The following CACNA1C variants were observed in gnomAD, a reference collection of about 807,000 sequenced individuals.
CACNA1C encodes the protein calcium voltage-gated channel subunit alpha1 C.
In CACNA1C, 30 loss-of-function variants were observed where a neutral mutation model predicts 229.0. The observed-to-expected ratio is 0.13, with a 90% CI of 0.10 to 0.18. CACNA1C has a LOEUF of 0.18. Among genes scored for constraint, CACNA1C ranks in the 10% least tolerant of loss-of-function variants. CACNA1C has a pLI of 1.00. For missense variants in CACNA1C, 1,658 were observed against 2,845.0 expected (o/e 0.58, Z 9.49); for synonymous variants, 1,114 against 1,132.5 (o/e 0.98, Z 0.33).
chr12:2,168,220 C>T, intron 3 of CACNA1C, among the ~76,000 whole-genome samples: 1 of 152,170 alleles, frequency 6.6e-6, no homozygotes, highest in Non-Finnish European at 1.5e-5. Context: ...GAGCTTTAAT[C>T]TTAAGAGTAA....
chr12:2,461,858 G>A (rs1461734423), intron 5 of CACNA1C, among the ~76,000 whole-genome samples: 2 of 152,164 alleles, frequency 1.3e-5, no homozygotes, highest in Non-Finnish European at 2.9e-5. Flanking sequence ...CCTCCGTCCT[G>A]GATGATGGCG....
chr12:2,550,507 A>G lies in CACNA1C; in HGVS notation c.1481+474A>G, dbSNP rs759761944. On this transcript the variant is annotated intron_variant, in intron 10 of 46. Transcript: ENST00000399655. ...GAAGATGTTCTGGGAGATGACTGGC[A>G]TGTGGGTCCTTACCTGAAGCTCTCT... 5 of 1,337,012 alleles carry G rather than the reference A, an allele frequency of 3.7e-6. 1 individual carries two copies. Among genetic ancestry groups the G allele is most frequent in the Middle Eastern group, 2.1e-4 (1 of 4,732 alleles). 82.8% of individuals were successfully genotyped at this position (1,337,012 alleles called of 1,614,324 possible).
chr12:2,391,326 G>A (rs1167898947), intron 3 of CACNA1C, among the ~76,000 whole-genome samples: 2 of 152,196 alleles, frequency 1.3e-5, no homozygotes, highest in Non-Finnish European at 2.9e-5. Context: ...TGACTCCTCG[G>A]TGCACTGATA....
intron 3 of CACNA1C, among the ~76,000 whole-genome samples, chr12:2,186,242 C>T (rs1412275630): frequency 3.3e-5 from 5 of 152,288 alleles, no homozygotes; most frequent in African/African-American, 7.2e-5. Context: ...GGTTCCCTCC[C>T]GGCATTTAGT....
intron 13 of CACNA1C, among the ~76,000 whole-genome samples, chr12:2,573,857 C>T (rs558992727): frequency 4.6e-5 from 7 of 152,254 alleles, no homozygotes; most frequent in South Asian, 2.1e-4. Context: ...GGGTGAGATC[C>T]GGGTGGACTT....
chr12:2,442,921 C>A (rs2283309), intron 3 of CACNA1C, among the ~76,000 whole-genome samples: 46,304 of 152,080 alleles, frequency 0.3, 8,173 homozygotes, highest in East Asian at 0.72. Flanking sequence ...ATCACCCAAA[C>A]ACCTCCAACC....
chr12:1,994,786 C>T (rs1257672108), intron 1 of CACNA1C, among the ~76,000 whole-genome samples: 1 of 152,192 alleles, frequency 6.6e-6, no homozygotes. Context: ...AGTACAGCTA[C>T]TATAGCATCT....
At chr12:2,570,754 G>A (rs560018443) in intron 13 of CACNA1C, among the ~76,000 whole-genome samples, 45 of 152,176 alleles carry the variant, frequency 3.0e-4, no homozygotes, top group Non-Finnish European at 5.7e-4. Context: ...GCAAAGTGTG[G>A]TGGGCGTGGG....
chr12:2,639,893 C>A lies in CACNA1C; in HGVS notation c.3912+5513C>A, dbSNP rs2093443164. ...CCAGAGAAAAGGAGCAGGAGAAAGACCTTCGGGGAGCAGAGCAGGCACAGG... is the reference window on the plus strand; with the variant it reads ...CCAGAGAAAAGGAGCAGGAGAAAGAACTTCGGGGAGCAGAGCAGGCACAGG... On this transcript the variant is annotated intron_variant, in intron 30 of 46. Transcript: ENST00000399655. The surrounding 1 kb of genome is among the most constrained non-coding windows in gnomAD (Gnocchi z 4.2). 6.6e-6 allele frequency among the ~76,000 whole-genome samples: 1 copy of A among 152,130 alleles called. No individual in the cohort carries two copies. The highest frequency in any genetic ancestry group is 2.4e-5 in the African/African-American group (1 of 41,424).
intron 7 of CACNA1C, among the ~76,000 whole-genome samples, chr12:2,499,834 T>G (rs766299428): frequency 5.3e-5 from 8 of 152,160 alleles, no homozygotes; most frequent in Non-Finnish European, 1.0e-4. Flanking sequence ...CTTTATTCTT[T>G]GTCTTCTTAA....
At chr12:1,995,174 T>C (rs1432778858) in intron 1 of CACNA1C, among the ~76,000 whole-genome samples, 1 of 152,204 alleles carries the variant, frequency 6.6e-6, no homozygotes, top group Admixed American at 6.5e-5. Context: ...GGTCTGGATG[T>C]ACAAAAGAAA....
rs191579765 is a variant in CACNA1C at position 2,590,526 on chromosome 12, G to A, written c.2531-2687G>A. On this transcript the variant is annotated intron_variant, in intron 18 of 46. Coordinates refer to ENST00000399655, the MANE Select transcript of CACNA1C (RefSeq NM_000719.7). The stretch of plus-strand genomic sequence containing the variant: ...ATCCATAATACCTGCTAAGCATCAC[G>A]TGCTGTCAAAGTTGTGTTCCTTTAC... Among the ~76,000 whole-genome samples the A allele has an allele frequency of 4.9e-4, 75 of 152,224 alleles. 2 individuals carry two copies. Among genetic ancestry groups the A allele is most frequent in the African/African-American group, 1.5e-3 (61 of 41,528 alleles).
intron 1 of CACNA1C, among the ~76,000 whole-genome samples, chr12:2,042,155 CA>C (rs773656209): frequency 2.9e-4 from 44 of 152,222 alleles, no homozygotes; most frequent in Non-Finnish European, 5.4e-4. Flanking sequence ...TTTTAACAGT[CA>C]AAGATTTTTC....
intron 3 of CACNA1C, among the ~76,000 whole-genome samples, chr12:2,123,626 T>C (rs2088207429): frequency 6.6e-6 from 1 of 152,102 alleles, no homozygotes; most frequent in Non-Finnish European, 1.5e-5. Flanking sequence ...ATAGCCCAGG[T>C]GAATGCTGCT....
intron 3 of CACNA1C, among the ~76,000 whole-genome samples, chr12:2,121,539 T>C (rs571655033): frequency 3.5e-4 from 53 of 152,358 alleles, no homozygotes; most frequent in Non-Finnish European, 5.7e-4. Flanking sequence ...CTGTGGTGTC[T>C]TGTGGCTCGG....
In CACNA1C at chr12:2,681,966, A is replaced by G. The variant is rs10774053; in HGVS notation, c.5445-584A>G. On this transcript the variant is annotated intron_variant, in intron 42 of 46. Coordinates refer to ENST00000399655, the MANE Select transcript of CACNA1C (RefSeq NM_000719.7). The stretch of plus-strand genomic sequence containing the variant: ...TCCCAGCAGGGAAAGGCACGTTCCG[A>G]TGTGTGAGGATCTGGAGCTCAGGAG... The G allele has an allele frequency of 0.82, 1,310,462 of 1,598,268 alleles. 539,546 individuals carry two copies. Among genetic ancestry groups the G allele is most frequent in the South Asian group, 0.86 (77,556 of 90,698 alleles).
At chr12:2,159,421 G>A (rs2095719275) in intron 3 of CACNA1C, among the ~76,000 whole-genome samples, 1 of 152,072 alleles carries the variant, frequency 6.6e-6, no homozygotes, top group Non-Finnish European at 1.5e-5. Flanking sequence ...CTTGAGTCTG[G>A]GAGGTTGAGG....
intron 19 of CACNA1C, among the ~76,000 whole-genome samples, chr12:2,594,984 G>A (rs1013896328): frequency 6.6e-6 from 1 of 152,164 alleles, no homozygotes; most frequent in Non-Finnish European, 1.5e-5. Flanking sequence ...CTCTCCATAC[G>A]TAGCCTCAGC....
chr12:2,208,101 T>G (rs922339506), intron 3 of CACNA1C, among the ~76,000 whole-genome samples: 1 of 152,176 alleles, frequency 6.6e-6, no homozygotes, highest in Non-Finnish European at 1.5e-5. Context: ...CCATGGCTCT[T>G]GGAATTTCAG....
Sources: allele counts gnomAD v4.1 joint callset (sites outside exome capture counted in the v4.1 genomes callset), GRCh38; gene constraint gnomAD v4.1.1; non-coding constraint Gnocchi (gnomAD v3.1); transcripts MANE v1.5; gene names NCBI Gene and HGNC (gene_info 2026-07-23, HGNC 2026-07-21).